LGI1: variants seen among roughly 807,000 people sequenced by gnomAD.
LGI1 encodes leucine-rich glioma-inactivated protein 1.
In LGI1, 11 loss-of-function variants were observed where a neutral mutation model predicts 57.7. That is an observed-to-expected ratio of 0.19 (90% CI 0.12 to 0.32). The LOEUF (loss-of-function observed/expected upper bound fraction) is 0.32, where lower values mean the gene tolerates loss of function less well. Among genes scored for constraint, LGI1 ranks in the 10% least tolerant of loss-of-function variants. The pLI, the probability that LGI1 is intolerant of heterozygous loss-of-function variation, is 1.00. For synonymous variants in LGI1, 222 were observed against 241.9 expected (o/e 0.92, Z 0.76); for missense variants, 422 against 661.9 (o/e 0.64, Z 3.98).
intron 2 of LGI1, among the ~76,000 whole-genome samples, chr10:93,765,884 G>A (rs532529377): frequency 1.2e-3 from 177 of 151,236 alleles, no homozygotes; most frequent in Non-Finnish European, 2.0e-3. Context: ...GCAGGAGAAT[G>A]GCGTGAACCC....
Position 93,758,861 on chromosome 10 carries a change from T to A in LGI1, c.287+30T>A, listed in dbSNP as rs1415760433. 2.1e-6 allele frequency: 3 copies of A among 1,426,948 alleles called. No individual in the cohort carries two copies. The highest frequency in any genetic ancestry group is 3.0e-6 in the Non-Finnish European group (3 of 1,010,600). The allele number at this position is 1,426,948 out of a possible 1,614,324, so 88.4% of individuals were successfully genotyped here. A position where few individuals can be genotyped will look rare whatever the true frequency, so the allele number is the denominator to read the frequency against. On this transcript the variant is annotated intron_variant, in intron 2 of 7. Transcript: ENST00000371418. This position sits in a 1 kb window ranked among gnomAD's most constrained non-coding sequence, Gnocchi z 4.7. ...GAAATATTTATATCATGACTATTTT[T>A]AATATGGCATATATTTGGATAAGCC...
intron 2 of LGI1, chr10:93,769,839 C>A (rs1043370606): frequency 2.0e-5 from 3 of 152,172 alleles, no homozygotes; most frequent in South Asian, 2.1e-4. Flanking sequence ...CCTCCTAGAT[C>A]ATCTCCCCTC....
intron 5 of LGI1, chr10:93,792,095 A>G (rs2059941839): frequency 6.6e-6 from 1 of 152,392 alleles, no homozygotes; most frequent in Admixed American, 6.5e-5. Context: ...TTAAATTTAA[A>G]TTTAAAAGCT....
intron 2 of LGI1, chr10:93,767,185 T>C (rs530533444): frequency 6.6e-6 from 1 of 152,298 alleles, no homozygotes; most frequent in South Asian, 2.1e-4. Flanking sequence ...CTAGTTTCCC[T>C]AGGTTGCAAC....
intron 2 of LGI1, among the ~76,000 whole-genome samples, chr10:93,775,675 C>T (rs542055715): frequency 3.3e-5 from 5 of 152,148 alleles, no homozygotes; most frequent in African/African-American, 4.8e-5. Context: ...CTTTTCTTCC[C>T]GTGACGTGCA....
intron 2 of LGI1, chr10:93,766,766 C>T (rs1034477678): frequency 2.0e-5 from 3 of 152,248 alleles, no homozygotes; most frequent in East Asian, 3.9e-4. Flanking sequence ...CTCGGCCTCC[C>T]GAAGTGCTGG....
chr10:93,790,177 G>A lies in LGI1; in HGVS notation c.503+7G>A. 6.2e-7 allele frequency: 1 copy of A among 1,600,068 alleles called. No homozygotes were observed. The highest frequency in any genetic ancestry group is 8.5e-7 in the Non-Finnish European group (1 of 1,170,878). ...TGGATTCTTTAACAAATGTGTAAGA[G>A]GACCTAAGAAATCACTGAACAATTA... On this transcript the variant is annotated splice_region_variant and intron_variant, in intron 5 of 7. Transcript: ENST00000371418.
chr10:93,759,018 A>G, intron 2 of LGI1, 187 bp downstream of exon 2: 2 of 608,936 alleles, frequency 3.3e-6, no homozygotes, highest in South Asian at 2.0e-5. Flanking sequence ...TGATTCTTAC[A>G]ATGGTAAATC....
intron 2 of LGI1, among the ~76,000 whole-genome samples, chr10:93,774,307 G>A (rs1347313583): frequency 6.6e-6 from 1 of 152,126 alleles, no homozygotes; most frequent in Non-Finnish European, 1.5e-5. Context: ...CCAAGTATCA[G>A]TATTTTTAAA....
intron 2 of LGI1, chr10:93,771,068 C>A (rs1456173220): frequency 2.6e-5 from 4 of 151,740 alleles, no homozygotes; most frequent in African/African-American, 4.8e-5. Flanking sequence ...AAAAATAAAT[C>A]GAAGATTTGA....
chr10:93,773,889 G>C (rs1007263398), intron 2 of LGI1, among the ~76,000 whole-genome samples: 1 of 152,188 alleles, frequency 6.6e-6, no homozygotes, highest in African/African-American at 2.4e-5. Flanking sequence ...ACAAACCCAC[G>C]GGCTGGCTGC....
intron 2 of LGI1, chr10:93,759,061 T>C: frequency 1.8e-6 from 1 of 549,944 alleles, no homozygotes; most frequent in Non-Finnish European, 3.2e-6. Flanking sequence ...CTTTAATGGC[T>C]ATTTATGAAG....
chr10:93,794,362 C>CTCTT (rs2059962027), intron 7 of LGI1, among the ~76,000 whole-genome samples: 1 of 101,198 alleles, frequency 9.9e-6, no homozygotes, highest in Non-Finnish European at 1.8e-5. Flanking sequence ...CTGGATCTCT[C>CTCTT]TTTTTTTTTT....
intron 2 of LGI1, among the ~76,000 whole-genome samples, chr10:93,773,520 G>T (rs2059761094): frequency 6.6e-6 from 1 of 152,208 alleles, no homozygotes; most frequent in Non-Finnish European, 1.5e-5. Flanking sequence ...TCTATGACAT[G>T]TAGGCTATTA....
chr10:93,785,972 G>A (rs1164172141), intron 4 of LGI1, among the ~76,000 whole-genome samples: 1 of 45,190 alleles, frequency 2.2e-5, no homozygotes, highest in African/African-American at 3.1e-5. Flanking sequence ...CCCTGAGCCC[G>A]GTGCCCTCAG....
At chr10:93,786,849 C>A (rs1156865109) in intron 4 of LGI1, among the ~76,000 whole-genome samples, 2 of 152,224 alleles carry the variant, frequency 1.3e-5, no homozygotes, top group African/African-American at 4.8e-5. Context: ...CCACCTCTGC[C>A]TCCCAAAGTG....
intron 4 of LGI1, among the ~76,000 whole-genome samples, chr10:93,784,508 C>T (rs958143998): frequency 1.3e-5 from 2 of 152,206 alleles, no homozygotes; most frequent in Non-Finnish European, 2.9e-5. Context: ...CACGTCACCC[C>T]TGTACTCTGT....
chr10:93,790,094 T>TTTC lies in LGI1; in HGVS notation c.432-5_432-4insTTC, dbSNP rs1554906719. 9 of 1,602,478 alleles carry TTTC rather than the reference T, an allele frequency of 5.6e-6. No homozygotes were observed. The highest frequency in any genetic ancestry group is 7.6e-6 in the Non-Finnish European group (9 of 1,178,794). ...TTTACATCACCTTTTTTTTTTTTTT[T>TTTC]CCAGGAGCCTTGCAAACAACAATCT... On this transcript the variant is annotated splice_region_variant and splice_polypyrimidine_tract_variant and intron_variant, in intron 4 of 7. Coordinates refer to ENST00000371418, the MANE Select transcript of LGI1 (RefSeq NM_005097.4).
rs143377658 is a variant in LGI1, at chr10:93,778,168, T to A, written c.431+551T>A. ...CATGTTTGGTTGTCACAACTGGGGA[T>A]GTAAATGGCATCTAGTGGGTGAAAG... On this transcript the variant is annotated intron_variant, in intron 4 of 7. Transcript: ENST00000371418. Among the ~76,000 whole-genome samples, 599 of 152,330 alleles carry A rather than the reference T, an allele frequency of 3.9e-3. 6 individuals are homozygous for A. Among genetic ancestry groups the A allele is most frequent in the Non-Finnish European group, 5.5e-3 (373 of 68,018 alleles).
Sources: allele counts gnomAD v4.1 joint callset (sites outside exome capture counted in the v4.1 genomes callset), GRCh38; gene constraint gnomAD v4.1.1; non-coding constraint Gnocchi (gnomAD v3.1); transcripts MANE v1.5; gene names NCBI Gene and HGNC (gene_info 2026-07-23, HGNC 2026-07-21).